Variants in DNAH1 observed in about 807,000 individuals in gnomAD.
DNAH1 encodes the protein dynein axonemal heavy chain 1, also known as axonemal beta dynein heavy chain 1.
A neutral mutation model predicts 484.3 loss-of-function variants in DNAH1; 327 were observed. The ratio of observed to expected loss-of-function variants is 0.68; its 90% CI spans 0.62 to 0.74. DNAH1 has a LOEUF of 0.74. Ranked by LOEUF, DNAH1 falls within the 30% of genes least tolerant of loss-of-function variation. DNAH1 has a pLI of 0.00. For synonymous variants in DNAH1, 2,192 were observed against 2,191.9 expected (o/e 1.00, Z 0.00); for missense variants, 5,052 against 5,546.8 (o/e 0.91, Z 2.83).
At position 52,389,528 on chromosome 3, in the gene DNAH1, C is replaced by T. The variant is rs778829810; in HGVS notation, c.9563C>T (p.Thr3188Ile). ...CTCAGGAGCCACAATGTCCCACACA[C>T]CTCCGAGCCCACGCTAATCGGGACG... Reference protein sequence around the residue: ...KQLRSHNVPHTSEPTLIGTLG... With the variant: ...KQLRSHNVPHISEPTLIGTLG... The change falls in exon 60 of 78, where the codon ACC (threonine) becomes ATC (isoleucine). Residue 3188 changes from threonine (T) to isoleucine (I), a missense_variant. Transcript: ENST00000420323. 1.3e-6 allele frequency: 2 copies of T among 1,586,734 alleles called. No homozygotes were observed. The highest frequency in any genetic ancestry group is 2.3e-5 in the East Asian group (1 of 43,502).
intron 18 of DNAH1, 57 bp downstream of exon 18, chr3:52,352,764 T>A (rs1348547295): frequency 6.4e-7 from 1 of 1,562,320 alleles, no homozygotes; most frequent in Non-Finnish European, 8.7e-7. Context: ...AAGCAGCTCA[T>A]GTAGATGCAG....
intron 37 of DNAH1, 106 bp downstream of exon 37, chr3:52,369,024 A>G (rs1443322366): frequency 4.6e-6 from 6 of 1,314,128 alleles, no homozygotes; most frequent in Middle Eastern, 2.2e-4. Flanking sequence ...TCTCAGGGCC[A>G]TGGGTCCATC....
At position 52,355,952 on chromosome 3, in the gene DNAH1, C is replaced by T. The variant is rs534850955; in HGVS notation, c.3694-662C>T. ...GCCCCTTAGTGGGCTGTGGGCCCCTCGAGGGAAGGGACCAGGCCGCATTCC... is the reference window on the plus strand; with the variant it reads ...GCCCCTTAGTGGGCTGTGGGCCCCTTGAGGGAAGGGACCAGGCCGCATTCC... On this transcript the variant is annotated intron_variant, in intron 21 of 77. Transcript: ENST00000420323. This position sits in a 1 kb window ranked among gnomAD's most constrained non-coding sequence, Gnocchi z 4.5. 5.9e-5 allele frequency among the ~76,000 whole-genome samples: 9 copies of T among 152,340 alleles called. No homozygotes were observed. The South Asian group carries it at 1.9e-3, about 32-fold the overall frequency.
intron 8 of DNAH1, among the ~76,000 whole-genome samples, chr3:52,337,495 G>A (rs530161314): frequency 6.6e-6 from 1 of 152,202 alleles, no homozygotes; most frequent in South Asian, 2.1e-4. Context: ...GGTTTTATTT[G>A]TGAGCCAAAT....
In DNAH1 at chr3:52,355,820, G is replaced by A. The variant is rs1014812549; in HGVS notation, c.3693+765G>A. On this transcript the variant is annotated intron_variant, in intron 21 of 77. Transcript: ENST00000420323. This position sits in a 1 kb window ranked among gnomAD's most constrained non-coding sequence, Gnocchi z 4.5. ...CCAAGGCCCAGCAACAAGCAGCCTTGCCGACTCTCCCTCACCATCCTTCAA... is the reference window on the plus strand; with the variant it reads ...CCAAGGCCCAGCAACAAGCAGCCTTACCGACTCTCCCTCACCATCCTTCAA... 6.6e-6 allele frequency among the ~76,000 whole-genome samples: 1 copy of A among 152,206 alleles called. No individual in the cohort carries two copies. The highest frequency in any genetic ancestry group is 2.4e-5 in the African/African-American group (1 of 41,444).
At chr3:52,352,426 GA>G (rs1702423227) in intron 17 of DNAH1, 125 bp from the exon 18 acceptor site, 27 of 1,333,306 alleles carry the variant, frequency 2.0e-5, no homozygotes, top group Non-Finnish European at 2.7e-5. Context: ...CACTCCAGGA[GA>G]ACAACCTCCT....
At chr3:52,382,505 C>G (rs202014329) in intron 50 of DNAH1, 50 bp downstream of exon 50, 11 of 1,604,410 alleles carry the variant, frequency 6.9e-6, no homozygotes, top group African/African-American at 1.3e-5. Flanking sequence ...GGACACAACC[C>G]CATCTGAGCA....
Position 52,400,440 on chromosome 3 carries a change from C to T in DNAH1, c.12792C>T (p.Asp4264=). The change falls in exon 78 of 78, where the codon GAC becomes GAT. Residue 4264 remains aspartate (D), a synonymous_variant. Coordinates refer to ENST00000420323, the MANE Select transcript of DNAH1 (RefSeq NM_015512.5). The part of the protein sequence containing the change: ...KRGVALICAL[D]Y Reference sequence around the variant, plus strand: ...GTGTGGCCCTCATCTGTGCCCTGGACTACTAGACTCAGACAGAAGGGCTGG... The same window carrying T: ...GTGTGGCCCTCATCTGTGCCCTGGATTACTAGACTCAGACAGAAGGGCTGG... 6.2e-7 allele frequency: 1 copy of T among 1,614,026 alleles called. No individual in the cohort carries two copies. Among genetic ancestry groups the T allele is most frequent in the Non-Finnish European group, 8.5e-7 (1 of 1,179,868 alleles).
intron 1 of DNAH1, among the ~76,000 whole-genome samples, chr3:52,319,608 G>A (rs1301612034): frequency 1.3e-5 from 2 of 152,226 alleles, no homozygotes; most frequent in African/African-American, 4.8e-5. Context: ...AATGACCAGA[G>A]GCAGAAGCCT....
In DNAH1 at chr3:52,355,071, A is replaced by G. The variant is rs745597398; in HGVS notation, c.3693+16A>G. The stretch of plus-strand genomic sequence containing the variant: ...GCTGACCCAGGTCGGCCCTCCCCCC[A>G]GTCCTTCCCTCATCGCTCCCCCACT... On this transcript the variant is annotated intron_variant, in intron 21 of 77. Transcript: ENST00000420323. The surrounding 1 kb of genome is among the most constrained non-coding windows in gnomAD (Gnocchi z 4.5). 6.2e-7 allele frequency: 1 copy of G among 1,611,198 alleles called. No homozygotes were observed. Among genetic ancestry groups the G allele is most frequent in the Non-Finnish European group, 8.5e-7 (1 of 1,179,230 alleles).
chr3:52,373,795 A>G (rs1000402123), intron 44 of DNAH1: 50 of 1,419,432 alleles, frequency 3.5e-5, no homozygotes, highest in Non-Finnish European at 4.7e-5. Context: ...ATGGTAGAAT[A>G]TATCACCCAT....
At chr3:52,387,979 G>A (rs1704181899) in intron 56 of DNAH1, among the ~76,000 whole-genome samples, 188 bp from the exon 57 acceptor site, 1 of 152,118 alleles carries the variant, frequency 6.6e-6, no homozygotes, top group South Asian at 2.1e-4. Context: ...TAAAATCCTG[G>A]GGACCAAAGA....
intron 59 of DNAH1, among the ~76,000 whole-genome samples, 192 bp downstream of exon 59, chr3:52,389,129 C>T (rs1199105707): frequency 4.6e-5 from 7 of 152,254 alleles, no homozygotes; most frequent in African/African-American, 1.7e-4. Context: ...GTGTACAAAA[C>T]AGCCAGAAAA....
intron 6 of DNAH1, among the ~76,000 whole-genome samples, chr3:52,329,781 C>T (rs544773116): frequency 3.3e-4 from 50 of 151,232 alleles, no homozygotes; most frequent in African/African-American, 1.0e-3. Flanking sequence ...GTGGAGCTCG[C>T]GCCATTGCAC....
At position 52,389,540 on chromosome 3, in the gene DNAH1, C is replaced by T. The variant is rs538855437; in HGVS notation, c.9575C>T (p.Thr3192Met). The T allele has an allele frequency of 5.1e-6, 8 of 1,554,400 alleles. No homozygotes were observed. Among genetic ancestry groups the T allele is most frequent in the African/African-American group, 1.4e-5 (1 of 72,712 alleles). ...SHNVPHTSEP[T>M]LIGTLGNPVK... Reference sequence around the variant, plus strand: ...AATGTCCCACACACCTCCGAGCCCACGCTAATCGGGACGCTGGGGAACCCT... The same window carrying T: ...AATGTCCCACACACCTCCGAGCCCATGCTAATCGGGACGCTGGGGAACCCT... The change falls in exon 60 of 78, where the codon ACG (threonine) becomes ATG (methionine). Residue 3192 changes from threonine to methionine, a missense_variant. Thr to Met is a moderately conservative substitution (Grantham distance 81). Around this residue, in one of 4 missense-constraint regions of DNAH1, gnomAD observed 2,929 missense variants for 3,409.4 expected, o/e 0.86. Transcript: ENST00000420323.
intron 16 of DNAH1, 32 bp from the exon 17 acceptor site, chr3:52,351,930 T>C (rs752297737): frequency 6.3e-7 from 1 of 1,589,334 alleles, no homozygotes; most frequent in Admixed American, 1.8e-5. Flanking sequence ...AGCCGCGATA[T>C]TTCTCCCAAT....
chr3:52,316,639 G>A (rs557362584), intron 1 of DNAH1, 94 bp downstream of exon 1: 3 of 152,364 alleles, frequency 2.0e-5, no homozygotes, highest in Non-Finnish European at 2.9e-5. Flanking sequence ...ACTGTCTCCA[G>A]GCATAGATTA....
In DNAH1 at chr3:52,375,816, GGAGTGTCTCT is replaced by G. The variant is rs1247787558; in HGVS notation, c.7160-135_7160-126del. Reference sequence around the variant, plus strand: ...GGAAAAGCCACAAGATAGGATGGACGGAGTGTCTCTGAGCCTTTATGGGGTTTGGGGAAAA... The same window carrying G: ...GGAAAAGCCACAAGATAGGATGGACGGAGCCTTTATGGGGTTTGGGGAAAA... On this transcript the variant is annotated intron_variant, in intron 45 of 77. Transcript: ENST00000420323. The G allele has an allele frequency of 2.2e-5, 21 of 969,008 alleles. No homozygotes were observed. The East Asian group carries it at 5.2e-4, about 24-fold the overall frequency. The allele number at this position is 969,008 out of a possible 1,614,324, so 60.0% of individuals were successfully genotyped here.
Position 52,355,179 on chromosome 3 carries a change from G to A in DNAH1, c.3693+124G>A. ...GCAGTGCCTTGCCCTCATTCACACA[G>A]CCCCTGGCTCTCTGGCAGGCCCCGC... On this transcript the variant is annotated intron_variant, in intron 21 of 77. Transcript: ENST00000420323. The surrounding 1 kb of genome is among the most constrained non-coding windows in gnomAD (Gnocchi z 4.5). 1 of 962,782 alleles carries A rather than the reference G, an allele frequency of 1.0e-6. No individual in the cohort carries two copies. Among genetic ancestry groups the A allele is most frequent in the South Asian group, 1.5e-5 (1 of 65,990 alleles). 59.6% of individuals were successfully genotyped at this position (962,782 alleles called of 1,614,324 possible).
Sources: gnomAD v4.1 joint callset for allele counts (sites outside exome capture counted in the v4.1 genomes callset) on GRCh38, gnomAD v4.1.1 for gene constraint, gnomAD v4.1.1 regional missense constraint, Gnocchi (gnomAD v3.1) non-coding constraint, MANE v1.5 for transcripts, NCBI Gene and HGNC (gene_info 2026-07-23, HGNC 2026-07-21) for gene names.